Variants in NOVA1 observed in about 807,000 individuals in gnomAD.
NOVA1 encodes NOVA alternative splicing regulator 1.
NOVA1 carries 7 observed loss-of-function variants against 38.0 expected under a neutral mutation model. The observed-to-expected ratio is 0.18, with a 90% CI of 0.10 to 0.35. The LOEUF is 0.35. NOVA1 is among the 10% of genes least tolerant of loss of function. NOVA1 has a pLI of 1.00. For missense variants in NOVA1, 460 were observed against 616.0 expected (o/e 0.75, Z 2.68); for synonymous variants, 270 against 232.5 (o/e 1.16, Z -1.47).
At chr14:26,516,807 A>G (rs1888500635) in intron 2 of NOVA1, among the ~76,000 whole-genome samples, 1 of 151,982 alleles carries the variant, frequency 6.6e-6, no homozygotes, top group South Asian at 2.1e-4. Flanking sequence ...GTCTTTAATT[A>G]TGTGTTAAAG....
At chr14:26,479,916 T>C (rs1885315519) in intron 3 of NOVA1, 61 bp downstream of exon 3, 1 of 1,538,296 alleles carries the variant, frequency 6.5e-7, no homozygotes. Context: ...AAGGCTTCTT[T>C]TGTAAGGAAC....
At chr14:26,479,695 A>G (rs1885281823) in intron 3 of NOVA1, 2 of 386,470 alleles carry the variant, frequency 5.2e-6, no homozygotes, top group African/African-American at 4.1e-5. Flanking sequence ...CAATTCCTAT[A>G]AATTAAATTT....
intron 2 of NOVA1, among the ~76,000 whole-genome samples, chr14:26,564,973 T>C (rs1892046151): frequency 6.6e-6 from 1 of 152,168 alleles, no homozygotes. Context: ...TTCAAACATA[T>C]CTTGATGAAT....
intron 2 of NOVA1, among the ~76,000 whole-genome samples, chr14:26,525,877 A>G (rs556408916): frequency 1.3e-5 from 2 of 152,208 alleles, no homozygotes; most frequent in South Asian, 2.1e-4. Context: ...GGCGTCAGGG[A>G]TCATTTTAAA....
chr14:26,491,811 T>A (rs866223287), intron 2 of NOVA1, among the ~76,000 whole-genome samples: 1 of 152,210 alleles, frequency 6.6e-6, no homozygotes, highest in Non-Finnish European at 1.5e-5. Context: ...CTAATGACAG[T>A]ACCAGACTCT....
intron 2 of NOVA1, chr14:26,594,433 T>C (rs575750148): frequency 6.6e-6 from 1 of 152,072 alleles, no homozygotes; most frequent in Non-Finnish European, 1.5e-5. Flanking sequence ...GCTTTTCTTT[T>C]CCACCAGGAA....
chr14:26,496,335 G>A (rs767252278), intron 2 of NOVA1, among the ~76,000 whole-genome samples: 1 of 152,270 alleles, frequency 6.6e-6, no homozygotes. Context: ...CCCACTTTTT[G>A]ATGGGGTTGT....
At chr14:26,483,055 G>T (rs893541662) in intron 2 of NOVA1, among the ~76,000 whole-genome samples, 1 of 152,130 alleles carries the variant, frequency 6.6e-6, no homozygotes, top group Admixed American at 6.6e-5. Flanking sequence ...AGTATAATAA[G>T]AAGGGGCAAT....
intron 2 of NOVA1, among the ~76,000 whole-genome samples, chr14:26,497,466 C>T (rs1343476748): frequency 6.6e-6 from 1 of 152,106 alleles, no homozygotes; most frequent in Non-Finnish European, 1.5e-5. Context: ...TATGAAATAT[C>T]AATGGCCTGA....
chr14:26,458,567 CAGAA>C (rs1883368919), intron 4 of NOVA1, among the ~76,000 whole-genome samples: 1 of 151,928 alleles, frequency 6.6e-6, no homozygotes, highest in Non-Finnish European at 1.5e-5. Flanking sequence ...AATGCAGAAA[CAGAA>C]AGCCAAATAC....
chr14:26,534,384 A>G (rs971962436), intron 2 of NOVA1, among the ~76,000 whole-genome samples: 3 of 152,132 alleles, frequency 2.0e-5, no homozygotes, highest in African/African-American at 7.2e-5. Context: ...AGGAAAAAAT[A>G]CCCGTCTGAA....
intron 2 of NOVA1, among the ~76,000 whole-genome samples, chr14:26,580,876 A>T (rs1893173543): frequency 6.6e-6 from 1 of 152,076 alleles, no homozygotes; most frequent in Non-Finnish European, 1.5e-5. Flanking sequence ...GGGCCACATT[A>T]ATGTAATTTA....
At chr14:26,575,879 C>T (rs1251635974) in intron 2 of NOVA1, among the ~76,000 whole-genome samples, 1 of 151,268 alleles carries the variant, frequency 6.6e-6, no homozygotes, top group African/African-American at 2.4e-5. Flanking sequence ...ATGAAAAAAA[C>T]ATTAAGTAGT....
In NOVA1 at chr14:26,500,381, A is replaced by G. The variant is rs1012828840; in HGVS notation, c.281-20238T>C. Among the ~76,000 whole-genome samples, 4 of 152,206 alleles carry G rather than the reference A, an allele frequency of 2.6e-5. No homozygotes were observed. In the East Asian group the frequency reaches 7.7e-4, roughly 29 times the overall value. Reference sequence around the variant, plus strand: ...CTGCTCGGCTTACTGAGTGGGTCACACTTAACCAGAGTTCTAAATCACAAA... The same window carrying G: ...CTGCTCGGCTTACTGAGTGGGTCACGCTTAACCAGAGTTCTAAATCACAAA... On this transcript the variant is annotated intron_variant, in intron 2 of 4. Transcript: ENST00000539517.
chr14:26,536,315 A>G (rs1890096513), intron 2 of NOVA1, among the ~76,000 whole-genome samples: 1 of 152,112 alleles, frequency 6.6e-6, no homozygotes, highest in Non-Finnish European at 1.5e-5. Flanking sequence ...GGGCTACTAT[A>G]GTCAACAATA....
chr14:26,546,973 C>T (rs775158592), intron 2 of NOVA1, among the ~76,000 whole-genome samples: 17 of 152,010 alleles, frequency 1.1e-4, no homozygotes, highest in Non-Finnish European at 2.2e-4. Flanking sequence ...GAGCCGAGAT[C>T]GTGCCATTGC....
intron 2 of NOVA1, among the ~76,000 whole-genome samples, chr14:26,539,536 T>C (rs1316745382): frequency 1.3e-5 from 2 of 151,968 alleles, no homozygotes; most frequent in Non-Finnish European, 2.9e-5. Context: ...CTTATGTATA[T>C]ATATGTGTAT....
chr14:26,565,225 A>G (rs563819541), intron 2 of NOVA1, among the ~76,000 whole-genome samples: 46 of 152,288 alleles, frequency 3.0e-4, no homozygotes, highest in Middle Eastern at 3.4e-3. Context: ...GCAGTTTTGT[A>G]AGAACAAAAT....
At chr14:26,564,399 C>T (rs547463065) in intron 2 of NOVA1, among the ~76,000 whole-genome samples, 3 of 152,208 alleles carry the variant, frequency 2.0e-5, no homozygotes, top group African/African-American at 4.8e-5. Context: ...CTACTTTACA[C>T]ATGAAAAAAT....
Sources: allele counts gnomAD v4.1 joint callset (sites outside exome capture counted in the v4.1 genomes callset), GRCh38; gene constraint gnomAD v4.1.1; transcripts MANE v1.5; gene names NCBI Gene and HGNC (gene_info 2026-07-23, HGNC 2026-07-21).